Variants in FLNB observed in about 807,000 individuals in gnomAD.
FLNB encodes the protein filamin-B.
Under a neutral mutation model 250.6 loss-of-function variants are expected in FLNB, and 111 were observed. The ratio of observed to expected loss-of-function variants is 0.44; its 90% CI spans 0.38 to 0.52. The LOEUF is 0.52. Ranked by LOEUF, FLNB falls within the 20% of genes least tolerant of loss-of-function variation. FLNB has a pLI of 0.00. For synonymous variants in FLNB, 1,302 were observed against 1,372.1 expected, an observed-to-expected ratio of 0.95 and a Z score of 1.13; for missense variants, 2,869 against 3,447.8, an observed-to-expected ratio of 0.83 and a Z score of 4.20.
Position 58,094,933 on chromosome 3 carries a change from C to A in FLNB, c.885C>A (p.Asp295Glu). ...GAGACGTGATGGTGTTTGTTGAGGA[C>A]CCAGAAGGGAACAAAGAGGAGGTAT... is the stretch of plus-strand genomic sequence containing the variant. ...GQGDVMVFVE[D>E]PEGNKEEAQV... The change falls in exon 5 of 46, where the codon GAC becomes GAA. Residue 295 changes from aspartate to glutamate, a missense_variant. Coordinates refer to ENST00000295956, the MANE Select transcript of FLNB (RefSeq NM_001457.4). The A allele has an allele frequency of 6.2e-7, 1 of 1,613,922 alleles. No individual in the cohort carries two copies. Among genetic ancestry groups the A allele is most frequent in the Non-Finnish European group, 8.5e-7 (1 of 1,179,790 alleles).
chr3:58,155,049 G>C lies in FLNB; in HGVS notation c.6772+121G>C, dbSNP rs2097351213. 5.2e-6 allele frequency: 5 copies of C among 952,550 alleles called. No homozygotes were observed. The South Asian group carries it at 6.8e-5, about 13-fold the overall frequency. 59.0% of individuals were successfully genotyped at this position (952,550 alleles called of 1,614,324 possible). ...GGAATCTATGTGTATGGGCACATGG[G>C]ACAGCCTCCTAGAAATCCAGTTGCA... On this transcript the variant is annotated intron_variant, in intron 40 of 45. Transcript: ENST00000295956.
At chr3:58,149,535 C>A (rs939126132) in intron 36 of FLNB, 5 of 433,770 alleles carry the variant, frequency 1.2e-5, no homozygotes, top group Non-Finnish European at 2.1e-5. Flanking sequence ...ACGTGCAGTA[C>A]TTGGAGGCGT....
chr3:58,121,279 A>T lies in FLNB; in HGVS notation c.2902A>T (p.Thr968Ser). The T allele has an allele frequency of 6.2e-7, 1 of 1,613,970 alleles. No homozygotes were observed. The highest frequency in any genetic ancestry group is 8.5e-7 in the Non-Finnish European group (1 of 1,179,994). ...GAAGGATCAGGAGTTCACCGTTGAT[A>T]CCAGGGGGGCAGGAGGCCAGGGGAA... ...VGKDQEFTVD[T>S]RGAGGQGKLD... The change falls in exon 20 of 46, where the codon ACC becomes TCC. Residue 968 changes from threonine to serine, a missense_variant. By Grantham distance (58) the Thr-to-Ser change is moderately conservative. Around this residue, in one of 5 missense-constraint regions of FLNB, gnomAD observed 1,348 missense variants for 1,466.7 expected, o/e 0.92. Transcript: ENST00000295956.
At chr3:58,129,212 G>C (rs372396702) in intron 24 of FLNB, among the ~76,000 whole-genome samples, 1 of 152,180 alleles carries the variant, frequency 6.6e-6, no homozygotes, top group African/African-American at 2.4e-5. Context: ...GCCAGCTGTG[G>C]TTGGTTGGTG....
At position 58,169,271 on chromosome 3, in the gene FLNB, T is replaced by G; in HGVS notation, c.7418-319T>G. The G allele has an allele frequency of 5.0e-6, 2 of 397,196 alleles. No individual in the cohort carries two copies. Among genetic ancestry groups the G allele is most frequent in the Non-Finnish European group, 4.7e-6 (1 of 211,358 alleles). The allele number at this position is 397,196 out of a possible 1,614,324, so 24.6% of individuals were successfully genotyped here. On this transcript the variant is annotated intron_variant, in intron 44 of 45. Coordinates refer to ENST00000295956, the MANE Select transcript of FLNB (RefSeq NM_001457.4). This position sits in a 1 kb window ranked among gnomAD's most constrained non-coding sequence, Gnocchi z 4.8. ...TTTTACACTGCTTATACATAGACTATTTTATGTCAATAGAAAGATGTGAAT... is the reference window on the plus strand; with the variant it reads ...TTTTACACTGCTTATACATAGACTAGTTTATGTCAATAGAAAGATGTGAAT...
At chr3:58,061,806 G>C (rs142744330) in intron 1 of FLNB, among the ~76,000 whole-genome samples, 3 of 151,788 alleles carry the variant, frequency 2.0e-5, no homozygotes, top group African/African-American at 2.4e-5. Flanking sequence ...TAAATTTTTG[G>C]GGGGGCTGGG....
At chr3:58,148,912 G>A in intron 36 of FLNB, 60 bp downstream of exon 36, 6 of 1,464,458 alleles carry the variant, frequency 4.1e-6, no homozygotes, top group Non-Finnish European at 5.7e-6. Context: ...TTTTGCTGAG[G>A]CAGCGTCATC....
At chr3:58,148,907 C>A in intron 36 of FLNB, 55 bp downstream of exon 36, 1 of 1,496,578 alleles carries the variant, frequency 6.7e-7, no homozygotes, top group Non-Finnish European at 9.2e-7. Flanking sequence ...ACTTATTTTG[C>A]TGAGGCAGCG....
At position 58,043,189 on chromosome 3, in the gene FLNB, C is replaced by T. The variant is rs115431932; in HGVS notation, c.293-33857C>T. Among the ~76,000 whole-genome samples, 553 of 143,218 alleles carry T rather than the reference C, an allele frequency of 3.9e-3. 4 individuals carry two copies. Among genetic ancestry groups the T allele is most frequent in the Middle Eastern group, 0.015 (4 of 264 alleles). The allele number at this position is 143,218 out of a possible 152,430, so 94.0% of individuals were successfully genotyped here. On this transcript the variant is annotated intron_variant, in intron 1 of 45. Coordinates refer to ENST00000295956, the MANE Select transcript of FLNB (RefSeq NM_001457.4). The stretch of plus-strand genomic sequence containing the variant: ...TGAGACAGAGTTTCACTCTGTTGCC[C>T]GGGGGAATGATCTCTGCTCACTGCA...
At chr3:58,010,684 A>G (rs2097097275) in intron 1 of FLNB, among the ~76,000 whole-genome samples, 1 of 152,204 alleles carries the variant, frequency 6.6e-6, no homozygotes, top group Admixed American at 6.5e-5. Context: ...TGAATAAAGA[A>G]ACTTAAAGTA....
At chr3:58,054,670 A>G (rs2097167579) in intron 1 of FLNB, among the ~76,000 whole-genome samples, 2 of 152,108 alleles carry the variant, frequency 1.3e-5, no homozygotes, top group African/African-American at 2.4e-5. Flanking sequence ...CCCTGATTCA[A>G]TTACCTCCCA....
At chr3:58,165,214 CT>C (rs2097368386) in intron 43 of FLNB, 1 of 152,556 alleles carries the variant, frequency 6.6e-6, no homozygotes, top group African/African-American at 2.4e-5. Context: ...GCTCATGCCG[CT>C]GTGCCTGGGC....
At position 58,044,286 on chromosome 3, in the gene FLNB, C is replaced by G. The variant is rs1003187605; in HGVS notation, c.293-32760C>G. 5.9e-5 allele frequency among the ~76,000 whole-genome samples: 9 copies of G among 152,236 alleles called. 1 individual carries two copies. In the South Asian group the frequency reaches 1.9e-3, roughly 32 times the overall value. On this transcript the variant is annotated intron_variant, in intron 1 of 45. Transcript: ENST00000295956. ...TCATTGTCTGGTTGGGAAGCATTCT[C>G]TTAAGTCCAAGATGATGATAAATAG...
At chr3:58,168,256 G>C (rs1251731367) in intron 43 of FLNB, among the ~76,000 whole-genome samples, 184 bp from the exon 44 acceptor site, 1 of 152,186 alleles carries the variant, frequency 6.6e-6, no homozygotes, top group African/African-American at 2.4e-5. Context: ...AGAAAAGGGA[G>C]CCCCCACCCC....
intron 1 of FLNB, among the ~76,000 whole-genome samples, chr3:58,073,445 C>G (rs1306756831): frequency 6.6e-6 from 1 of 152,232 alleles, no homozygotes; most frequent in East Asian, 1.9e-4. Flanking sequence ...GAGTTTTATG[C>G]AGACCATTGC....
intron 42 of FLNB, 60 bp from the exon 43 acceptor site, chr3:58,163,094 A>T: frequency 6.4e-7 from 1 of 1,553,038 alleles, no homozygotes; most frequent in South Asian, 1.1e-5. Flanking sequence ...CTTTATCCTC[A>T]CTGAACTCAG....
At chr3:58,131,634 A>C (rs1230626852) in intron 25 of FLNB, among the ~76,000 whole-genome samples, 1 of 152,254 alleles carries the variant, frequency 6.6e-6, no homozygotes, top group Non-Finnish European at 1.5e-5. Context: ...GATTCACAGA[A>C]GTGGCAAATG....
At chr3:58,080,620 G>A (rs2033741) in intron 3 of FLNB, among the ~76,000 whole-genome samples, 21,763 of 146,670 alleles carry the variant, frequency 0.15, 3,052 homozygotes, top group African/African-American at 0.36. Context: ...TCAGCCTCCC[G>A]AGTAGCTGGG....
intron 9 of FLNB, 87 bp from the exon 10 acceptor site, chr3:58,103,872 G>T: frequency 6.5e-7 from 1 of 1,531,174 alleles, no homozygotes; most frequent in Non-Finnish European, 9.0e-7. Flanking sequence ...GTTTTGTTCA[G>T]TGTGGCTGCC....
Sources: allele counts gnomAD v4.1 joint callset (sites outside exome capture counted in the v4.1 genomes callset), GRCh38; gene constraint gnomAD v4.1.1; regional missense constraint gnomAD v4.1.1; non-coding constraint Gnocchi (gnomAD v3.1); transcripts MANE v1.5; gene names NCBI Gene and HGNC (gene_info 2026-07-23, HGNC 2026-07-21).